PTK2: variants seen among roughly 807,000 people sequenced by gnomAD.
PTK2 encodes focal adhesion kinase 1.
A neutral mutation model predicts 150.1 loss-of-function variants in PTK2; 45 were observed. That is an observed-to-expected ratio of 0.30 (90% CI 0.24 to 0.38). PTK2 has a LOEUF of 0.38. Ranked by LOEUF, PTK2 falls within the 10% of genes least tolerant of loss-of-function variation. The pLI is 1.00. For synonymous variants in PTK2, 432 were observed against 449.2 expected (o/e 0.96, Z 0.48); for missense variants, 919 against 1,307.3 (o/e 0.70, Z 4.58).
At chr8:140,743,444 A>G (rs1367110385) in intron 19 of PTK2, 114 bp from the exon 23 acceptor site, 2 of 610,814 alleles carry the variant, frequency 3.3e-6, no homozygotes, top group African/African-American at 3.7e-5. Context: ...ATACAATGCG[A>G]GCAGATTATA....
chr8:140,760,412 G>A (rs1481526431), intron 16 of PTK2, among the ~76,000 whole-genome samples: 1 of 151,892 alleles, frequency 6.6e-6, no homozygotes, highest in African/African-American at 2.4e-5. Context: ...AAGGAATGAA[G>A]TACTAACACA....
intron 2 of PTK2, among the ~76,000 whole-genome samples, chr8:140,897,671 G>A (rs1459168107): frequency 6.6e-6 from 1 of 152,178 alleles, no homozygotes; most frequent in Non-Finnish European, 1.5e-5. Flanking sequence ...AGAATGACAA[G>A]TCCCAAGAGT....
chr8:140,961,762 A>AT (rs2100183284), intron 1 of PTK2, among the ~76,000 whole-genome samples: 1 of 152,184 alleles, frequency 6.6e-6, no homozygotes, highest in Non-Finnish European at 1.5e-5. Flanking sequence ...TATAGTACAC[A>AT]TTTTTTAAAA....
At chr8:140,766,154 C>T (rs1259894687) in intron 14 of PTK2, among the ~76,000 whole-genome samples, 1 of 152,210 alleles carries the variant, frequency 6.6e-6, no homozygotes, top group Admixed American at 6.5e-5. Flanking sequence ...TGAAAAGTCT[C>T]TACAACCCTG....
At chr8:140,866,846 A>C (rs1567813922) in intron 4 of PTK2, among the ~76,000 whole-genome samples, 1 of 152,246 alleles carries the variant, frequency 6.6e-6, no homozygotes. Flanking sequence ...CATAAAAACA[A>C]ATCAAAGGGG....
chr8:140,695,264 C>T (rs370549860), intron 26 of PTK2, among the ~76,000 whole-genome samples: 5 of 152,152 alleles, frequency 3.3e-5, no homozygotes, highest in East Asian at 1.9e-4. Context: ...CTTTTAAGTC[C>T]GTCTTCTCTG....
chr8:140,896,689 GA>G (rs2100156335), intron 2 of PTK2, among the ~76,000 whole-genome samples: 2 of 145,852 alleles, frequency 1.4e-5, no homozygotes, highest in African/African-American at 5.0e-5. Flanking sequence ...CCCCAAACTG[GA>G]AATAAGACAT....
At chr8:140,898,953 C>A (rs529115480) in intron 2 of PTK2, among the ~76,000 whole-genome samples, 6 of 152,238 alleles carry the variant, frequency 3.9e-5, no homozygotes, top group African/African-American at 1.4e-4. Flanking sequence ...ACTTGAAGAG[C>A]TTTAAGAATC....
At chr8:140,679,867 G>A (rs2100016066) in intron 27 of PTK2, among the ~76,000 whole-genome samples, 1 of 152,152 alleles carries the variant, frequency 6.6e-6, no homozygotes, top group Non-Finnish European at 1.5e-5. Context: ...GTTAAAGCTG[G>A]AGTGTTTCAC....
intron 1 of PTK2, among the ~76,000 whole-genome samples, chr8:140,989,841 G>A (rs1396377808): frequency 6.6e-6 from 1 of 151,404 alleles, no homozygotes; most frequent in Non-Finnish European, 1.5e-5. Context: ...CCAGGAGGCG[G>A]AGGTTGCGGT....
intron 26 of PTK2, among the ~76,000 whole-genome samples, chr8:140,697,534 G>A (rs962604727): frequency 9.2e-5 from 14 of 151,894 alleles, no homozygotes; most frequent in Admixed American, 6.6e-5. Flanking sequence ...TCCGCCTCCC[G>A]GGTTCAAACG....
chr8:140,782,803 A>G (rs2100082597), intron 14 of PTK2, among the ~76,000 whole-genome samples: 1 of 152,224 alleles, frequency 6.6e-6, no homozygotes, highest in African/African-American at 2.4e-5. Context: ...ACTTGAATAC[A>G]GGGCACACTT....
chr8:140,955,967 G>A (rs896981200), intron 1 of PTK2, among the ~76,000 whole-genome samples: 2 of 152,176 alleles, frequency 1.3e-5, no homozygotes, highest in Non-Finnish European at 2.9e-5. Context: ...TGGAAAAGGA[G>A]AGCATCCTTA....
intron 2 of PTK2, among the ~76,000 whole-genome samples, chr8:140,895,048 G>C (rs1438107044): frequency 1.3e-5 from 2 of 152,132 alleles, no homozygotes; most frequent in Non-Finnish European, 2.9e-5. Context: ...AGTATATTCT[G>C]TGTCTAGCAT....
chr8:140,918,570 G>C (rs770509464), intron 2 of PTK2, among the ~76,000 whole-genome samples: 3 of 152,126 alleles, frequency 2.0e-5, no homozygotes, highest in Admixed American at 6.5e-5. Context: ...CCTTGGATGG[G>C]ACCTAAGGTG....
chr8:140,855,062 C>T (rs1448904610), intron 5 of PTK2, among the ~76,000 whole-genome samples: 2 of 152,176 alleles, frequency 1.3e-5, no homozygotes, highest in Non-Finnish European at 1.5e-5. Context: ...AACCATTTCT[C>T]ACTGCAGCCC....
chr8:140,676,157 C>A (rs896487346), intron 27 of PTK2, among the ~76,000 whole-genome samples: 2 of 151,750 alleles, frequency 1.3e-5, no homozygotes, highest in Non-Finnish European at 2.9e-5. Flanking sequence ...TGGGCGATAA[C>A]CTTAGGTCAG....
chr8:140,738,091 C>T (rs2100053627), intron 21 of PTK2, among the ~76,000 whole-genome samples: 1 of 152,174 alleles, frequency 6.6e-6, no homozygotes, highest in Non-Finnish European at 1.5e-5. Flanking sequence ...CTTAACAGGG[C>T]ATCTCCTCCA....
chr8:140,906,188 A>G (rs1568587732), intron 2 of PTK2, among the ~76,000 whole-genome samples: 1 of 152,208 alleles, frequency 6.6e-6, no homozygotes, highest in African/African-American at 2.4e-5. Context: ...CTCAGTTGTA[A>G]TACCTATTAT....
Sources: allele counts gnomAD v4.1 joint callset (sites outside exome capture counted in the v4.1 genomes callset), GRCh38; gene constraint gnomAD v4.1.1; transcripts MANE v1.5; gene names NCBI Gene and HGNC (gene_info 2026-07-23, HGNC 2026-07-21).